NCR2: variants seen among roughly 807,000 people sequenced by gnomAD.
NCR2 encodes NK cell activating receptor (NKp44).
NCR2 carries 35 observed loss-of-function variants against 30.7 expected under a neutral mutation model. The observed-to-expected ratio is 1.14, with a 90% CI of 0.87 to 1.51. NCR2 has a LOEUF of 1.51. Ranked by LOEUF, NCR2 falls within the 40% of genes most tolerant of loss-of-function variation. NCR2 has a pLI of 0.00. For synonymous variants in NCR2, 146 were observed against 134.8 expected (o/e 1.08, Z -0.58); for missense variants, 316 against 328.9 (o/e 0.96, Z 0.30).
At chr6:41,350,374 A>C (rs1392012158) in intron 4 of NCR2, among the ~76,000 whole-genome samples, 1 of 152,154 alleles carries the variant, frequency 6.6e-6, no homozygotes, top group East Asian at 1.9e-4. Context: ...AAAGACAGAT[A>C]ATAGTGTGTG....
rs1769000359 is a variant in NCR2, at chr6:41,335,674, C to T, written c.-203C>T. 6.3e-6 allele frequency: 4 copies of T among 633,332 alleles called. No homozygotes were observed. Among genetic ancestry groups the T allele is most frequent in the African/African-American group, 3.6e-5 (2 of 55,144 alleles). 39.2% of individuals were successfully genotyped at this position (633,332 alleles called of 1,614,324 possible). On this transcript the variant is annotated 5_prime_UTR_variant, in exon 1 of 5. Coordinates refer to ENST00000373089, the MANE Select transcript of NCR2 (RefSeq NM_004828.4). ...GCGCCGAGCCCACCAGACCCAGACTCACCTACAGCTGGAGATCCCCACTTC... is the reference window on the plus strand; with the variant it reads ...GCGCCGAGCCCACCAGACCCAGACTTACCTACAGCTGGAGATCCCCACTTC...
At chr6:41,350,286 G>T (rs989031969) in intron 4 of NCR2, among the ~76,000 whole-genome samples, 1 of 152,204 alleles carries the variant, frequency 6.6e-6, no homozygotes, top group Non-Finnish European at 1.5e-5. Context: ...GTTTTAGAGG[G>T]AGTGAGGTGT....
intron 4 of NCR2, among the ~76,000 whole-genome samples, chr6:41,345,890 C>T (rs141834832): frequency 2.0e-5 from 3 of 152,316 alleles, no homozygotes; most frequent in Non-Finnish European, 4.4e-5. Flanking sequence ...TGCCTGTTCT[C>T]CGAGGACAAT....
rs1204018547 is a variant in NCR2, at chr6:41,342,072, C to T, written c.567C>T (p.Ala189=). 7 of 1,613,962 alleles carry T rather than the reference C, an allele frequency of 4.3e-6. No homozygotes were observed. The highest frequency in any genetic ancestry group is 5.1e-6 in the Non-Finnish European group (6 of 1,180,024). ...QNSTLRPGPA[A]PIALVPVFCG... is the part of the protein sequence containing the mutation. ...CCACGCTCCGCCCTGGCCCTGCAGC[C>T]CCCATTGCCCTGGTGCCTGTGTTCT... Residue 189 remains alanine, a synonymous_variant, in exon 4 of 5, where the codon GCC becomes GCT. Coordinates refer to ENST00000373089, the MANE Select transcript of NCR2 (RefSeq NM_004828.4).
chr6:41,342,399 C>T (rs547919589), intron 4 of NCR2, among the ~76,000 whole-genome samples: 1 of 151,384 alleles, frequency 6.6e-6, no homozygotes, highest in Admixed American at 6.6e-5. Flanking sequence ...TCTCTCTCTC[C>T]CTCTCTCTCT....
chr6:41,342,870 G>A (rs1423174260), intron 4 of NCR2: 3 of 1,503,306 alleles, frequency 2.0e-6, no homozygotes, highest in Admixed American at 3.9e-5. Context: ...GGGACAGGGT[G>A]TGAGAACGGA....
At chr6:41,349,323 G>A (rs971630179) in intron 4 of NCR2, among the ~76,000 whole-genome samples, 2 of 151,986 alleles carry the variant, frequency 1.3e-5, no homozygotes, top group Admixed American at 6.6e-5. Flanking sequence ...TTTGACCTCT[G>A]CTCCTGACAC....
At position 41,350,684 on chromosome 6, in the gene NCR2, C is replaced by T. The variant is rs763558871; in HGVS notation, c.651C>T (p.Asp217=). The T allele has an allele frequency of 2.4e-5, 38 of 1,612,740 alleles. No homozygotes were observed. Among genetic ancestry groups the T allele is most frequent in the Non-Finnish European group, 3.2e-5 (38 of 1,179,450 alleles). ...TTTCCTGCTCTGATTGCAGGGGGGA[C>T]ATATGGTGGAAAACCATGATGGAGC... ...VLSALLVWWG[D]IWWKTMMELR... is the part of the protein sequence containing the mutation. The change falls in exon 5 of 5, where the codon GAC becomes GAT. Residue 217 remains aspartate, a synonymous_variant. Coordinates refer to ENST00000373089, the MANE Select transcript of NCR2 (RefSeq NM_004828.4).
At position 41,343,691 on chromosome 6, in the gene NCR2, T is replaced by C. The variant is rs1037408223; in HGVS notation, c.644+1542T>C. ...GAAATTGGTCATTTCAAAGTTACCT[T>C]CTTGGTAAAAGGTTAAAGCAGAGGG... On this transcript the variant is annotated intron_variant, in intron 4 of 4. Coordinates refer to ENST00000373089, the MANE Select transcript of NCR2 (RefSeq NM_004828.4). 7.0e-4 allele frequency among the ~76,000 whole-genome samples: 107 copies of C among 152,126 alleles called. 1 individual carries two copies. Among genetic ancestry groups the C allele is most frequent in the Non-Finnish European group, 1.5e-4 (10 of 68,030 alleles).
At chr6:41,336,048 G>T in intron 1 of NCR2, 39 bp from the exon 2 acceptor site, 1 of 1,595,760 alleles carries the variant, frequency 6.3e-7, no homozygotes, top group African/African-American at 1.3e-5. Flanking sequence ...CAGGTTGTGC[G>T]CGTGGCCTTG....
intron 2 of NCR2, among the ~76,000 whole-genome samples, chr6:41,337,451 G>A (rs1769061785): frequency 1.3e-5 from 2 of 152,160 alleles, no homozygotes; most frequent in Non-Finnish European, 2.9e-5. Flanking sequence ...GGAAATTGCA[G>A]TTCTCCATAT....
In NCR2 at chr6:41,335,672, C is replaced by A. The variant is rs1769000253; in HGVS notation, c.-205C>A. Reference sequence around the variant, plus strand: ...CAGCGCCGAGCCCACCAGACCCAGACTCACCTACAGCTGGAGATCCCCACT... The same window carrying A: ...CAGCGCCGAGCCCACCAGACCCAGAATCACCTACAGCTGGAGATCCCCACT... On this transcript the variant is annotated 5_prime_UTR_variant, in exon 1 of 5. Transcript: ENST00000373089. 9.6e-6 allele frequency: 6 copies of A among 626,082 alleles called. No homozygotes were observed. The Admixed American group carries it at 1.5e-4, about 16-fold the overall frequency. The allele number at this position is 626,082 out of a possible 1,614,324, so 38.8% of individuals were successfully genotyped here. A position where few individuals can be genotyped will look rare whatever the true frequency, so the allele number is the denominator to read the frequency against.
chr6:41,342,919 G>C, intron 4 of NCR2: 2 of 1,550,500 alleles, frequency 1.3e-6, no homozygotes, highest in Non-Finnish European at 1.7e-6. Flanking sequence ...CATCTCAAGG[G>C]TTTTAAGGAA....
At chr6:41,344,603 A>G (rs760216711) in intron 4 of NCR2, among the ~76,000 whole-genome samples, 18 of 152,326 alleles carry the variant, frequency 1.2e-4, no homozygotes, top group Non-Finnish European at 2.2e-4. Context: ...TTGTTCTCCG[A>G]ATGTTCCTTT....
intron 4 of NCR2, among the ~76,000 whole-genome samples, chr6:41,344,383 C>G (rs891757217): frequency 1.3e-5 from 2 of 152,216 alleles, no homozygotes; most frequent in Admixed American, 6.5e-5. Context: ...TTGCCCCAGG[C>G]CTGTCACCCC....
intron 2 of NCR2, among the ~76,000 whole-genome samples, 163 bp downstream of exon 2, chr6:41,336,591 G>A (rs1163394478): frequency 1.2e-4 from 18 of 152,154 alleles, no homozygotes; most frequent in Non-Finnish European, 2.9e-5. Context: ...GTGCACAAGA[G>A]CAGCCATCTC....
At chr6:41,339,551 A>AT (rs1362823787) in intron 2 of NCR2, among the ~76,000 whole-genome samples, 1 of 151,360 alleles carries the variant, frequency 6.6e-6, no homozygotes, top group African/African-American at 2.4e-5. Context: ...TGCCCGGCTA[A>AT]TTTTTTTATA....
intron 1 of NCR2, 44 bp downstream of exon 1, chr6:41,335,972 G>T (rs747791879): frequency 1.9e-6 from 3 of 1,578,092 alleles, no homozygotes; most frequent in African/African-American, 2.7e-5. Flanking sequence ...GATGGGTGTG[G>T]TGGGGACTGT....
At position 41,350,750 on chromosome 6, in the gene NCR2, A is replaced by G. The variant is rs760516793; in HGVS notation, c.717A>G (p.Gln239=). The G allele has an allele frequency of 2.5e-6, 4 of 1,612,784 alleles. No homozygotes were observed. In the Admixed American group the frequency reaches 5.0e-5, roughly 20 times the overall value. The change falls in exon 5 of 5, where the codon CAA becomes CAG. Residue 239 remains glutamine, a synonymous_variant. Transcript: ENST00000373089. ...LDTQKATCHL[Q]QVTDLPWTSV... is the part of the protein sequence containing the mutation. ...CCCAAAAAGCCACCTGCCACCTTCAACAGGTCACGGACCTTCCCTGGACCT... is the reference window on the plus strand; with the variant it reads ...CCCAAAAAGCCACCTGCCACCTTCAGCAGGTCACGGACCTTCCCTGGACCT...
Sources: gnomAD v4.1 joint callset for allele counts (sites outside exome capture counted in the v4.1 genomes callset) on GRCh38, gnomAD v4.1.1 for gene constraint, MANE v1.5 for transcripts, NCBI Gene and HGNC (gene_info 2026-07-23, HGNC 2026-07-21) for gene names.